The following SSUH2 variants were observed in gnomAD, a reference collection of about 807,000 sequenced individuals.
The protein encoded by SSUH2 is protein SSUH2 homolog.
Under a neutral mutation model 55.3 loss-of-function variants are expected in SSUH2, and 47 were observed. That is an observed-to-expected ratio of 0.85 (90% confidence interval 0.67 to 1.08). The LOEUF is 1.08. Among genes scored for constraint, SSUH2 ranks in the 50% least tolerant of loss-of-function variants. The pLI is 0.00. For missense variants in SSUH2, 535 were observed against 490.7 expected (o/e 1.09, Z -0.85); for synonymous variants, 212 against 191.5 (o/e 1.11, Z -0.89).
rs1559360832 is a variant in SSUH2, at chr3:8,633,668, T to G, written c.337A>C (p.Arg113=). ...IQELKRQTLC[R]YRLETFSESR... ...CCCCACCGGCCCTGGCCTCTCACCCTGCAGAGGGTCTGCCGCTTCAGCTCC... is the reference window on the plus strand; with the variant it reads ...CCCCACCGGCCCTGGCCTCTCACCCGGCAGAGGGTCTGCCGCTTCAGCTCC... The change falls in exon 4 of 12, where the codon AGG becomes CGG. Residue 113 remains arginine, a splice_region_variant and synonymous_variant. Transcript: ENST00000544814. The G allele has an allele frequency of 6.6e-7, 1 of 1,518,872 alleles. No individual in the cohort carries two copies. The highest frequency in any genetic ancestry group is 8.8e-7 in the Non-Finnish European group (1 of 1,135,626). The allele number at this position is 1,518,872 out of a possible 1,614,324, so 94.1% of individuals were successfully genotyped here. A position where few individuals can be genotyped will look rare whatever the true frequency, so the allele number is the denominator to read the frequency against.
exon 5 of SSUH2, chr3:8,671,089 C>T (rs895103778): frequency 4.9e-5 from 14 of 284,470 alleles, no homozygotes; most frequent in African/African-American, 1.7e-4. Context: ...AGTGAAGTCC[C>T]GCTAGGATAT....
chr3:8,662,714 A>T (rs1354879027), intron 6 of SSUH2, among the ~76,000 whole-genome samples: 1 of 152,336 alleles, frequency 6.6e-6, no homozygotes, highest in East Asian at 1.9e-4. Flanking sequence ...ATCATTACCT[A>T]CACAGCCCTG....
intron 6 of SSUH2, among the ~76,000 whole-genome samples, chr3:8,630,354 C>T (rs1575103232): frequency 6.6e-6 from 1 of 152,194 alleles, no homozygotes; most frequent in South Asian, 2.1e-4. Flanking sequence ...TCTCCCTTCA[C>T]GCCACGAATA....
At chr3:8,678,067 C>T (rs1705555617) in intron 2 of SSUH2, among the ~76,000 whole-genome samples, 1 of 152,062 alleles carries the variant, frequency 6.6e-6, no homozygotes, top group Non-Finnish European at 1.5e-5. Context: ...CAATTAGAAA[C>T]AATATCAGTG....
chr3:8,642,582 G>T (rs1701037664), intron 1 of SSUH2, among the ~76,000 whole-genome samples: 1 of 152,258 alleles, frequency 6.6e-6, no homozygotes, highest in Non-Finnish European at 1.5e-5. Context: ...ATGGTCAAAG[G>T]CCTCCTTGAG....
In SSUH2 at chr3:8,677,572, A is replaced by T. The variant is rs187958497; in HGVS notation, c.-900-219T>A. 1.3e-3 allele frequency among the ~76,000 whole-genome samples: 197 copies of T among 151,000 alleles called. 4 individuals carry two copies. Among genetic ancestry groups the T allele is most frequent in the Non-Finnish European group, 2.1e-3 (145 of 67,840 alleles). On this transcript the variant is annotated intron_variant, in intron 2 of 18. Coordinates refer to the SSUH2 transcript ENST00000317371. ...GCCCTGGGGCTACCCGATCTGACAC[A>T]GCCTTTTCCATTGTATGCATCAGAG...
At chr3:8,667,899 C>T (rs1704134058) in intron 5 of SSUH2, among the ~76,000 whole-genome samples, 1 of 152,146 alleles carries the variant, frequency 6.6e-6, no homozygotes, top group Non-Finnish European at 1.5e-5. Flanking sequence ...TATCTCAGCG[C>T]ATTACACCTG....
intron 1 of SSUH2, among the ~76,000 whole-genome samples, chr3:8,681,326 A>T (rs1575419161): frequency 7.3e-6 from 1 of 137,260 alleles, no homozygotes; most frequent in Non-Finnish European, 1.6e-5. Context: ...GCGGGGGTGG[A>T]GGCACCCCCC....
upstream of SSUH2, among the ~76,000 whole-genome samples, chr3:8,646,590 G>T (rs566405245): frequency 7.9e-5 from 12 of 152,162 alleles, no homozygotes; most frequent in Non-Finnish European, 1.3e-4. Context: ...CTCTTAAAAC[G>T]CATGGAAGAT....
In SSUH2 at chr3:8,650,801, A is replaced by T. The variant is rs777898918; in HGVS notation, c.-307+8124T>A. 2.6e-5 allele frequency among the ~76,000 whole-genome samples: 4 copies of T among 152,288 alleles called. No homozygotes were observed. The South Asian group carries it at 8.3e-4, about 32-fold the overall frequency. On this transcript the variant is annotated intron_variant, in intron 7 of 18. Coordinates refer to the SSUH2 transcript ENST00000317371. ...GCTCCATCCGTGGCCTTGACTCTGG[A>T]AGACATTTCCCAGGGAGCTCTTTTG...
intron 2 of SSUH2, 87 bp downstream of exon 2, chr3:8,635,672 T>C: frequency 5.5e-6 from 7 of 1,279,488 alleles, no homozygotes; most frequent in Non-Finnish European, 7.4e-6. Context: ...GGGAGCTATC[T>C]CAGCACCACC....
At chr3:8,632,141 G>A (rs374837226) in intron 4 of SSUH2, 32 bp from the exon 5 acceptor site, 36 of 1,582,910 alleles carry the variant, frequency 2.3e-5, no homozygotes, top group Middle Eastern at 3.3e-4. Flanking sequence ...GTTCACACTC[G>A]TGCCCCTTAT....
At chr3:8,627,320 G>C (rs938608120) in intron 8 of SSUH2, 3 of 189,122 alleles carry the variant, frequency 1.6e-5, no homozygotes, top group African/African-American at 7.0e-5. Context: ...TTATAAATAG[G>C]GGCTTGCCCA....
chr3:8,678,579 AC>A (rs1259417979), intron 2 of SSUH2, among the ~76,000 whole-genome samples: 4 of 93,382 alleles, frequency 4.3e-5, no homozygotes, highest in African/African-American at 1.5e-4. Context: ...AGGGGGGAAC[AC>A]CCCCCGCGAG....
At chr3:8,621,511 CA>C (rs962138494) in intron 11 of SSUH2, among the ~76,000 whole-genome samples, 6 of 152,110 alleles carry the variant, frequency 3.9e-5, no homozygotes, top group Non-Finnish European at 8.8e-5. Context: ...GAGGAGAGGC[CA>C]GGGGGCAGCA....
chr3:8,620,479 C>T (rs140921613), intron 11 of SSUH2, among the ~76,000 whole-genome samples: 211 of 152,344 alleles, frequency 1.4e-3, no homozygotes, highest in Middle Eastern at 3.4e-3. Flanking sequence ...TCTTCATTAG[C>T]AGCATGAGAA....
In SSUH2 at chr3:8,652,555, C is replaced by G. The variant is rs114933089; in HGVS notation, c.-307+6370G>C. On this transcript the variant is annotated intron_variant, in intron 7 of 18. Coordinates refer to the SSUH2 transcript ENST00000317371. ...AAGGGTGGAAAGCTTTTCCTGCCTA[C>G]TTAGATCTGATTAAGTGTCTTGCTT... is the stretch of plus-strand genomic sequence containing the variant. Among the ~76,000 whole-genome samples the G allele has an allele frequency of 2.0e-3, 306 of 152,330 alleles. 1 individual carries two copies. The highest frequency in any genetic ancestry group is 6.9e-3 in the African/African-American group (288 of 41,582).
In SSUH2 at chr3:8,633,538, A is replaced by G. The variant is rs957204961; in HGVS notation, c.339+128T>C. ...ATGGGATTCAACATCACCACCGCTCACACTCAAACACACTGCCCCCAGGAC... is the reference window on the plus strand; with the variant it reads ...ATGGGATTCAACATCACCACCGCTCGCACTCAAACACACTGCCCCCAGGAC... On this transcript the variant is annotated intron_variant, in intron 4 of 11. Transcript: ENST00000544814. 6.1e-6 allele frequency: 4 copies of G among 650,704 alleles called. No individual in the cohort carries two copies. The East Asian group carries it at 1.2e-4, about 20-fold the overall frequency. The allele number at this position is 650,704 out of a possible 1,614,324, so 40.3% of individuals were successfully genotyped here.
At position 8,619,892 on chromosome 3, in the gene SSUH2, A is replaced by C. The variant is rs202225131; in HGVS notation, c.1104T>G (p.Tyr368Ter). The change falls in exon 12 of 12, where the codon TAT becomes TAG. Residue 368 changes from tyrosine to a stop codon, truncating the protein, a stop_gained. Transcript: ENST00000544814. LOFTEE classifies it high-confidence loss of function. ...GTCACACGATGGTACAGCCACAGCA[A>C]TACCGCTCAGGATAGTCCACCGCAT... ...QVYAVDYPER[Y>*]CCGCTIV 4.3e-6 allele frequency: 7 copies of C among 1,614,152 alleles called. No homozygotes were observed. The East Asian group carries it at 1.6e-4, about 36-fold the overall frequency.
Sources: gnomAD v4.1 joint callset for allele counts (sites outside exome capture counted in the v4.1 genomes callset) on GRCh38, gnomAD v4.1.1 for gene constraint, MANE v1.5 for transcripts, NCBI Gene and HGNC (gene_info 2026-07-23, HGNC 2026-07-21) for gene names.